P2RX6: variants seen among roughly 807,000 people sequenced by gnomAD.
P2RX6 encodes purinergic receptor P2X 6, also known as P2X purinoceptor 6.
A neutral mutation model predicts 54.2 loss-of-function variants in P2RX6; 62 were observed. That is an observed-to-expected ratio of 1.14 (90% confidence interval 0.93 to 1.41). P2RX6 has a LOEUF of 1.41. P2RX6 is among the 40% of genes most tolerant of loss of function. The pLI is 0.00. For missense variants in P2RX6, 541 were observed against 566.3 expected, an observed-to-expected ratio of 0.96 and a Z score of 0.45; for synonymous variants, 211 against 231.9, an observed-to-expected ratio of 0.91 and a Z score of 0.82.
intron 3 of P2RX6, among the ~76,000 whole-genome samples, chr22:21,020,850 T>C (rs1927264579): frequency 6.6e-6 from 1 of 151,818 alleles, no homozygotes; most frequent in Non-Finnish European, 1.5e-5. Flanking sequence ...CCTTGGCTTC[T>C]CAAAGTGTTG....
chr22:21,013,418 T>C (rs2014648), upstream of P2RX6, among the ~76,000 whole-genome samples: 74,771 of 152,072 alleles, frequency 0.49, 20,585 homozygotes, highest in African/African-American at 0.75. Flanking sequence ...CTGGGCAACA[T>C]AGCGAGATAA....
upstream of P2RX6, chr22:21,011,597 G>T (rs535433107): frequency 5.6e-6 from 4 of 714,780 alleles, no homozygotes; most frequent in African/African-American, 5.2e-5. Context: ...ACATCTGGGG[G>T]ACGGAGCCAC....
rs751916375 is a variant in P2RX6, at chr22:21,026,290, T to C, written c.1089T>C (p.Asp363=). Residue 363 remains aspartate (D), a synonymous_variant, in exon 11 of 12, where the codon GAT becomes GAC. Coordinates refer to ENST00000413302, the MANE Select transcript of P2RX6 (RefSeq NM_005446.5). This position sits in a 1 kb window ranked among gnomAD's most constrained non-coding sequence, Gnocchi z 4.0. The part of the protein sequence containing the change: ...FFCDLLLLYV[D]REAHFYWRTK... Reference sequence around the variant, plus strand: ...GTGACCTGCTACTGCTGTATGTGGATAGAGAAGCCCATTTCTACTGGAGGA... The same window carrying C: ...GTGACCTGCTACTGCTGTATGTGGACAGAGAAGCCCATTTCTACTGGAGGA... The C allele has an allele frequency of 1.9e-6, 3 of 1,607,024 alleles. No homozygotes were observed. In the African/African-American group the frequency reaches 4.0e-5, roughly 21 times the overall value.
At position 21,023,554 on chromosome 22, in the gene P2RX6, A is replaced by G; in HGVS notation, c.826A>G (p.Thr276Ala). ...IRVHWDCDLDTGDSGCWPHYS... is the reference protein window; with the variant it reads ...IRVHWDCDLDAGDSGCWPHYS... ...AGTTCACTGGGATTGTGACCTGGACACCGGGGACTCTGGCTGCTGGCCTCA... is the reference window on the plus strand; with the variant it reads ...AGTTCACTGGGATTGTGACCTGGACGCCGGGGACTCTGGCTGCTGGCCTCA... The change falls in exon 8 of 12, where the codon ACC becomes GCC. Residue 276 changes from threonine (T) to alanine (A), a missense_variant. Transcript: ENST00000413302. 6.2e-7 allele frequency: 1 copy of G among 1,613,656 alleles called. No individual in the cohort carries two copies. The highest frequency in any genetic ancestry group is 8.5e-7 in the Non-Finnish European group (1 of 1,179,780).
At chr22:21,012,465 G>A (rs1210456429), upstream of P2RX6, 2 of 466,438 alleles carry the variant, frequency 4.3e-6, no homozygotes, top group Non-Finnish European at 8.2e-6. Flanking sequence ...CAGGGGTGGA[G>A]GCACATCCCT....
At chr22:21,010,617 C>A (rs1238351064), upstream of P2RX6, among the ~76,000 whole-genome samples, 1 of 152,160 alleles carries the variant, frequency 6.6e-6, no homozygotes, top group Admixed American at 6.5e-5. Flanking sequence ...GCATGCCTCA[C>A]CCAGGGTCAC....
At chr22:21,011,758 C>T (rs1925748756), upstream of P2RX6, among the ~76,000 whole-genome samples, 1 of 152,050 alleles carries the variant, frequency 6.6e-6, no homozygotes, top group South Asian at 2.1e-4. Flanking sequence ...TGGCTGGGTC[C>T]CCTCTGCCCC....
intron 8 of P2RX6, among the ~76,000 whole-genome samples, chr22:21,023,884 A>C (rs1601773749): frequency 6.9e-6 from 1 of 144,900 alleles, no homozygotes; most frequent in Admixed American, 6.9e-5. Context: ...CCTCCACCCC[A>C]CCTCGCTTCT....
chr22:21,018,192 GC>G (rs1926766638), intron 3 of P2RX6, 132 bp downstream of exon 3: 2 of 692,132 alleles, frequency 2.9e-6, no homozygotes, highest in Non-Finnish European at 2.7e-6. Flanking sequence ...CAGGCACTGG[GC>G]TACATCTTTT....
intron 3 of P2RX6, among the ~76,000 whole-genome samples, chr22:21,020,591 T>C (rs1927192400): frequency 7.1e-6 from 1 of 141,726 alleles, no homozygotes; most frequent in African/African-American, 2.7e-5. Flanking sequence ...TTTTTTTTTT[T>C]TTCTTTTTTT....
chr22:21,022,833 C>T (rs560894580), intron 4 of P2RX6, 82 bp downstream of exon 4: 1 of 1,460,948 alleles, frequency 6.8e-7, no homozygotes. Context: ...AGTGCAGGCC[C>T]TGCTCGCCTC....
intron 1 of P2RX6, among the ~76,000 whole-genome samples, chr22:21,015,654 C>T (rs917578497): frequency 1.3e-5 from 2 of 151,958 alleles, no homozygotes; most frequent in African/African-American, 4.8e-5. Flanking sequence ...AGCTGTATCT[C>T]GGGTCAGGAG....
chr22:21,023,566 G>A lies in P2RX6; in HGVS notation c.838G>A (p.Gly280Ser), dbSNP rs1927868847. 2 of 1,613,392 alleles carry A rather than the reference G, an allele frequency of 1.2e-6. No individual in the cohort carries two copies. The highest frequency in any genetic ancestry group is 1.3e-5 in the African/African-American group (1 of 74,900). Reference sequence around the variant, plus strand: ...TTGTGACCTGGACACCGGGGACTCTGGCTGCTGGCCTCACTACTCCTTCCA... The same window carrying A: ...TTGTGACCTGGACACCGGGGACTCTAGCTGCTGGCCTCACTACTCCTTCCA... ...WDCDLDTGDS[G>S]CWPHYSFQLQ... The change falls in exon 8 of 12, where the codon GGC becomes AGC. Residue 280 changes from glycine (G) to serine (S), a missense_variant. Physicochemically the swap from Gly to Ser is moderately conservative, Grantham distance 56. This residue lies in a region of P2RX6 where 526 missense variants were observed against 531.5 expected (regional missense o/e 0.99). Transcript: ENST00000413302.
At chr22:21,024,048 T>G (rs2148071987) in intron 8 of P2RX6, among the ~76,000 whole-genome samples, 1 of 150,100 alleles carries the variant, frequency 6.7e-6, no homozygotes, top group South Asian at 2.2e-4. Flanking sequence ...CTCTGCTTCC[T>G]GGGTTCAACC....
upstream of P2RX6, chr22:21,011,318 A>G (rs1925725217): frequency 1.7e-6 from 1 of 589,072 alleles, no homozygotes; most frequent in South Asian, 2.1e-5. Flanking sequence ...GGTCCTGCCA[A>G]CCCCCACCCA....
In P2RX6 at chr22:21,020,397, C is replaced by T. The variant is rs759314153; in HGVS notation, c.388-2279C>T. ...ATGCACCATGCTCTTTATAGTGTCACCTCCCTCAGCAGACACCGCTGAGCC... is the reference window on the plus strand; with the variant it reads ...ATGCACCATGCTCTTTATAGTGTCATCTCCCTCAGCAGACACCGCTGAGCC... On this transcript the variant is annotated intron_variant, in intron 3 of 11. Transcript: ENST00000413302. Among the ~76,000 whole-genome samples, 77 of 152,132 alleles carry T rather than the reference C, an allele frequency of 5.1e-4. 1 individual carries two copies. The highest frequency in any genetic ancestry group is 8.3e-4 in the South Asian group (4 of 4,820).
chr22:21,013,549 T>C (rs1204720717), upstream of P2RX6, among the ~76,000 whole-genome samples: 1 of 152,204 alleles, frequency 6.6e-6, no homozygotes, highest in Admixed American at 6.5e-5. Flanking sequence ...ATCCTGCCAC[T>C]GCACTGAAAG....
At chr22:21,019,207 G>A (rs771336867) in intron 3 of P2RX6, among the ~76,000 whole-genome samples, 12 of 152,174 alleles carry the variant, frequency 7.9e-5, no homozygotes, top group Non-Finnish European at 1.6e-4. Flanking sequence ...CTGGAGGGTC[G>A]TTGTGCAGAC....
rs1307691870 is a variant in P2RX6, at chr22:21,021,838, C to T, written c.388-838C>T. On this transcript the variant is annotated intron_variant, in intron 3 of 11. Transcript: ENST00000413302. ...TGCAGGCATTAATGTCCCCAGGTTA[C>T]AGAAGAGCGAGCAGGAAGGAGTAGC... 3.3e-5 allele frequency among the ~76,000 whole-genome samples: 5 copies of T among 152,152 alleles called. No homozygotes were observed. In the East Asian group the frequency reaches 5.8e-4, roughly 18 times the overall value.
Sources: allele counts gnomAD v4.1 joint callset (sites outside exome capture counted in the v4.1 genomes callset), GRCh38; gene constraint gnomAD v4.1.1; regional missense constraint gnomAD v4.1.1; non-coding constraint Gnocchi (gnomAD v3.1); transcripts MANE v1.5; gene names NCBI Gene and HGNC (gene_info 2026-07-23, HGNC 2026-07-21).